The following XKR9 variants were observed in gnomAD, a reference collection of about 807,000 sequenced individuals.
The protein encoded by XKR9 is XK-related protein 9.
XKR9 carries 32 observed loss-of-function variants against 32.0 expected under a neutral mutation model. The ratio of observed to expected loss-of-function variants is 1.00; its 90% CI spans 0.76 to 1.34. XKR9 has a LOEUF of 1.34. Ranked by LOEUF, XKR9 falls within the 40% of genes most tolerant of loss-of-function variation. The pLI is 0.00. For missense variants in XKR9, 546 were observed against 429.7 expected (o/e 1.27, Z -2.39); for synonymous variants, 168 against 143.4 (o/e 1.17, Z -1.22).
chr8:71,045,047 C>T, the XKR9 span, among the ~76,000 whole-genome samples: 31 of 152,116 alleles, frequency 2.0e-4, no homozygotes, highest in East Asian at 4.8e-3. Flanking sequence ...GCTGAATTTT[C>T]GTGTATATGT....
rs540970424 is a variant in XKR9, at chr8:70,722,758, C to G, written c.494-11038C>G. On this transcript the variant is annotated intron_variant, in intron 4 of 4. Coordinates refer to ENST00000408926, the MANE Select transcript of XKR9 (RefSeq NM_001011720.2). ...TTCCTTCATTTCAACCTTGGAGAAT[C>G]TGATGGTTATGTGTCTTGTGGTTGC... 3.3e-5 allele frequency among the ~76,000 whole-genome samples: 5 copies of G among 152,194 alleles called. No individual in the cohort carries two copies. In the South Asian group the frequency reaches 1.0e-3, roughly 32 times the overall value.
rs901108105 is a variant in XKR9, at chr8:70,679,167, T to G, written c.-278-1614T>G. Among the ~76,000 whole-genome samples, 36 of 152,100 alleles carry G rather than the reference T, an allele frequency of 2.4e-4. 1 individual carries two copies. Among genetic ancestry groups the G allele is most frequent in the Non-Finnish European group, 2.9e-5 (2 of 68,008 alleles). On this transcript the variant is annotated intron_variant, in intron 2 of 4. Coordinates refer to ENST00000408926, the MANE Select transcript of XKR9 (RefSeq NM_001011720.2). The stretch of plus-strand genomic sequence containing the variant: ...AACTCCAGTCCTATTGCATCAGGGC[T>G]CCAGAGCTCATTTATCCCTCCTTAC...
intron 4 of XKR9, among the ~76,000 whole-genome samples, chr8:70,728,277 T>C (rs1806543457): frequency 6.6e-6 from 1 of 152,122 alleles, no homozygotes; most frequent in Non-Finnish European, 1.5e-5. Context: ...TCTTAAGGTG[T>C]TGGCTAATGA....
chr8:70,757,574 TGTATGTATGTA>T, intron 2 of XKR9, among the ~76,000 whole-genome samples: 1 of 151,966 alleles, frequency 6.6e-6, no homozygotes, highest in African/African-American at 2.4e-5. Flanking sequence ...TATGTATGTA[TGTATGTATGTA>T]TGCATGTATT....
At position 70,768,098 on chromosome 8, in the gene XKR9, C is replaced by T. The variant is rs1430534096; in HGVS notation, n.353-21241C>T. On this transcript the variant is annotated intron_variant and non_coding_transcript_variant, in intron 2 of 3. Transcript: ENST00000520273. ...CCACTAAACACTGCTTTAGCTGTGT[C>T]CCAGAGATTCTGGTATATTGTTTCT... Among the ~76,000 whole-genome samples the T allele has an allele frequency of 3.3e-5, 5 of 152,170 alleles. No individual in the cohort carries two copies. In the East Asian group the frequency reaches 9.6e-4, roughly 29 times the overall value.
At chr8:70,850,907 A>C in the XKR9 span, among the ~76,000 whole-genome samples, 1 of 152,196 alleles carries the variant, frequency 6.6e-6, no homozygotes, top group Non-Finnish European at 1.5e-5. Flanking sequence ...ACTCTTATTC[A>C]ACATAGTATT....
At chr8:70,829,162 C>T in the XKR9 span, among the ~76,000 whole-genome samples, 1 of 152,152 alleles carries the variant, frequency 6.6e-6, no homozygotes, top group Admixed American at 6.5e-5. Flanking sequence ...AACTCAAATC[C>T]AAGCTTCTGT....
At chr8:70,890,305 C>G in the XKR9 span, among the ~76,000 whole-genome samples, 3 of 151,812 alleles carry the variant, frequency 2.0e-5, no homozygotes, top group Admixed American at 6.6e-5. Flanking sequence ...TTATTACTTT[C>G]TTTTGTCTAA....
rs1481972250 is a variant in XKR9, at chr8:70,734,661, G to GAAATATAAGA, written c.*240_*249dup. 6.4e-6 allele frequency: 2 copies of GAAATATAAGA among 312,052 alleles called. No individual in the cohort carries two copies. The highest frequency in any genetic ancestry group is 4.4e-5 in the African/African-American group (2 of 45,064). The allele number at this position is 312,052 out of a possible 1,614,324, so 19.3% of individuals were successfully genotyped here. A position where few individuals can be genotyped will look rare whatever the true frequency, so the allele number is the denominator to read the frequency against. ...CTGGTAGAGCTGCCATCTTGAGCCT[G>GAAATATAAGA]AAATATAAGAAATGGTCTGGTTTTC... On this transcript the variant is annotated 3_prime_UTR_variant, in exon 5 of 5. Coordinates refer to ENST00000408926, the MANE Select transcript of XKR9 (RefSeq NM_001011720.2).
intron 2 of XKR9, among the ~76,000 whole-genome samples, chr8:70,753,436 AC>A (rs1807171423): frequency 6.6e-6 from 1 of 152,150 alleles, no homozygotes; most frequent in South Asian, 2.1e-4. Flanking sequence ...TCATCCGGAT[AC>A]CAAAGCCTGG....
At chr8:70,945,781 C>G in the XKR9 span, among the ~76,000 whole-genome samples, 1 of 152,128 alleles carries the variant, frequency 6.6e-6, no homozygotes, top group African/African-American at 2.4e-5. Flanking sequence ...TTGGTGTTAA[C>G]TATTATTCTT....
intron 2 of XKR9, among the ~76,000 whole-genome samples, chr8:70,677,670 A>G (rs965529576): frequency 3.9e-5 from 6 of 152,160 alleles, no homozygotes; most frequent in African/African-American, 1.4e-4. Context: ...GGACCTAAGC[A>G]TTGGAGGCAA....
downstream of XKR9, among the ~76,000 whole-genome samples, chr8:70,739,316 C>T (rs1806923734): frequency 6.6e-6 from 1 of 152,036 alleles, no homozygotes; most frequent in Non-Finnish European, 1.5e-5. Flanking sequence ...TTTCCATTTG[C>T]TTGGTACATC....
At chr8:70,891,859 A>G in the XKR9 span, among the ~76,000 whole-genome samples, 1 of 152,154 alleles carries the variant, frequency 6.6e-6, no homozygotes, top group South Asian at 2.1e-4. Context: ...GGGATGTTGA[A>G]GTCCCCAAGC....
chr8:70,724,281 C>T (rs1449479318), intron 4 of XKR9, among the ~76,000 whole-genome samples: 1 of 152,124 alleles, frequency 6.6e-6, no homozygotes, highest in Non-Finnish European at 1.5e-5. Flanking sequence ...ATGCTGGCAG[C>T]GAGAATTTCA....
At chr8:70,990,245 C>G in the XKR9 span, among the ~76,000 whole-genome samples, 1 of 152,094 alleles carries the variant, frequency 6.6e-6, no homozygotes, top group Admixed American at 6.5e-5. Context: ...ATGCTAGATG[C>G]TCTAATTGTA....
the XKR9 span, among the ~76,000 whole-genome samples, chr8:70,844,948 C>T: frequency 1.2e-4 from 19 of 152,218 alleles, no homozygotes; most frequent in East Asian, 9.6e-4. Context: ...CCACTGCTGG[C>T]ACCCAAGCAA....
At chr8:70,718,466 C>G (rs892590028) in intron 4 of XKR9, among the ~76,000 whole-genome samples, 7 of 151,930 alleles carry the variant, frequency 4.6e-5, no homozygotes, top group Non-Finnish European at 1.5e-5. Context: ...ATGCTCTTGT[C>G]CCCTTGCCCC....
chr8:70,854,156 G>T, the XKR9 span, among the ~76,000 whole-genome samples: 5 of 152,192 alleles, frequency 3.3e-5, no homozygotes, highest in Non-Finnish European at 5.9e-5. Flanking sequence ...GTGTAAAAGT[G>T]TTCCTATTTC....
Sources: gnomAD v4.1 joint callset for allele counts (sites outside exome capture counted in the v4.1 genomes callset) on GRCh38, gnomAD v4.1.1 for gene constraint, MANE v1.5 for transcripts, NCBI Gene and HGNC (gene_info 2026-07-23, HGNC 2026-07-21) for gene names.